The following IQGAP1 variants were observed in gnomAD, a reference collection of about 807,000 sequenced individuals.
IQGAP1 encodes IQ motif containing GTPase activating protein 1, also known as ras GTPase-activating-like protein IQGAP1.
IQGAP1 carries 66 observed loss-of-function variants against 215.6 expected under a neutral mutation model. That is an observed-to-expected ratio of 0.31 (90% confidence interval 0.25 to 0.38). The LOEUF is 0.38. IQGAP1 is among the 10% of genes least tolerant of loss of function. IQGAP1 has a pLI of 1.00. For missense variants in IQGAP1, 1,712 were observed against 1,997.1 expected, an observed-to-expected ratio of 0.86 and a Z score of 2.72; for synonymous variants, 772 against 728.7, an observed-to-expected ratio of 1.06 and a Z score of -0.96.
intron 18 of IQGAP1, among the ~76,000 whole-genome samples, chr15:90,471,501 T>A (rs1202875951): frequency 7.2e-6 from 1 of 138,558 alleles, no homozygotes; most frequent in Non-Finnish European, 1.5e-5. Flanking sequence ...CCTCATGAAG[T>A]CTTTTTTTTT....
At chr15:90,484,495 G>A (rs773405795) in intron 30 of IQGAP1, 143 bp downstream of exon 30, 19 of 632,732 alleles carry the variant, frequency 3.0e-5, no homozygotes, top group Non-Finnish European at 4.5e-5. Flanking sequence ...TTTTTTGCTT[G>A]TTATTCTTTT....
At chr15:90,400,224 G>GT (rs1964786378) in intron 2 of IQGAP1, among the ~76,000 whole-genome samples, 2 of 152,150 alleles carry the variant, frequency 1.3e-5, no homozygotes, top group Admixed American at 1.3e-4. Flanking sequence ...TTAGATCTGT[G>GT]TAGTCTATTT....
At chr15:90,406,869 C>T (rs894074622) in intron 2 of IQGAP1, among the ~76,000 whole-genome samples, 7 of 152,098 alleles carry the variant, frequency 4.6e-5, no homozygotes, top group Admixed American at 1.3e-4. Flanking sequence ...GTGGGAATAA[C>T]GTTGGTGGGA....
At position 90,439,417 on chromosome 15, in the gene IQGAP1, T is replaced by G. The variant is rs140915609; in HGVS notation, c.535+18T>G. ...CTTCACAGGTAAGGAGTTAGATACT[T>G]GGCAGGAAATGCTTGAATTATGTGG... On this transcript the variant is annotated intron_variant, in intron 6 of 37. Coordinates refer to ENST00000268182, the MANE Select transcript of IQGAP1 (RefSeq NM_003870.4). 1 of 1,593,986 alleles carries G rather than the reference T, an allele frequency of 6.3e-7. No homozygotes were observed. The highest frequency in any genetic ancestry group is 2.2e-5 in the East Asian group (1 of 44,608).
intron 3 of IQGAP1, among the ~76,000 whole-genome samples, chr15:90,427,459 G>A (rs1029618125): frequency 3.3e-5 from 5 of 152,142 alleles, no homozygotes; most frequent in African/African-American, 4.8e-5. Flanking sequence ...GGAATGTTGG[G>A]CCAGGCCCAG....
intron 2 of IQGAP1, among the ~76,000 whole-genome samples, chr15:90,401,445 CA>C (rs1477149401): frequency 6.6e-6 from 1 of 151,976 alleles, no homozygotes. Context: ...AATAATCCCC[CA>C]AAACAAAAAA....
chr15:90,414,685 C>T lies in IQGAP1; in HGVS notation c.156-11425C>T, dbSNP rs1418186749. Among the ~76,000 whole-genome samples the T allele has an allele frequency of 2.0e-5, 3 of 152,136 alleles. No individual in the cohort carries two copies. The East Asian group carries it at 5.8e-4, about 29-fold the overall frequency. ...CTGAGGCACAGTGCTTCAGCTTTTA[C>T]ATTTTTCTCCACAGCCTCTTTCTCT... On this transcript the variant is annotated intron_variant, in intron 2 of 37. Coordinates refer to ENST00000268182, the MANE Select transcript of IQGAP1 (RefSeq NM_003870.4).
chr15:90,495,449 T>G (rs1287355977), intron 36 of IQGAP1, among the ~76,000 whole-genome samples: 1 of 152,138 alleles, frequency 6.6e-6, no homozygotes, highest in Non-Finnish European at 1.5e-5. Context: ...TATGTATTCG[T>G]TATTAAACTT....
chr15:90,396,243 GA>G (rs1427019414), intron 2 of IQGAP1, among the ~76,000 whole-genome samples: 1 of 152,202 alleles, frequency 6.6e-6, no homozygotes, highest in Admixed American at 6.5e-5. Context: ...AGTGATTTCA[GA>G]ATTCCATGAA....
Position 90,476,723 on chromosome 15 carries a change from A to G in IQGAP1, c.2845A>G (p.Met949Val). 1 of 1,605,654 alleles carries G rather than the reference A, an allele frequency of 6.2e-7. No homozygotes were observed. Among genetic ancestry groups the G allele is most frequent in the Non-Finnish European group, 8.5e-7 (1 of 1,177,870 alleles). Residue 949 changes from methionine to valine, a missense_variant, in exon 24 of 38, where the codon ATG becomes GTG. Around this residue, in one of 2 missense-constraint regions of IQGAP1, gnomAD observed 691 missense variants for 923.0 expected, o/e 0.75. Coordinates refer to ENST00000268182, the MANE Select transcript of IQGAP1 (RefSeq NM_003870.4). Reference sequence around the variant, plus strand: ...AAATAAGGAACAGTTGTCTGATATGATGATGATAAATAAACAGAAGGGAGG... The same window carrying G: ...AAATAAGGAACAGTTGTCTGATATGGTGATGATAAATAAACAGAAGGGAGG... Reference protein sequence around the residue: ...KKNKEQLSDMMMINKQKGGLK... With the variant: ...KKNKEQLSDMVMINKQKGGLK...
intron 10 of IQGAP1, 35 bp downstream of exon 10, chr15:90,448,771 G>A: frequency 6.9e-7 from 1 of 1,444,954 alleles, no homozygotes; most frequent in Non-Finnish European, 9.2e-7. Context: ...GCAAGAGTTT[G>A]TATATATCCA....
intron 14 of IQGAP1, among the ~76,000 whole-genome samples, chr15:90,455,113 A>G (rs781256923): frequency 8.5e-5 from 13 of 152,170 alleles, no homozygotes; most frequent in African/African-American, 2.4e-4. Context: ...AGAGTCCCCA[A>G]TATGAAGCTT....
chr15:90,496,056 C>T (rs1277068919), intron 36 of IQGAP1, among the ~76,000 whole-genome samples: 6 of 151,386 alleles, frequency 4.0e-5, no homozygotes, highest in Non-Finnish European at 5.9e-5. Flanking sequence ...ACTAAATAGC[C>T]AACTAAATCT....
intron 15 of IQGAP1, among the ~76,000 whole-genome samples, chr15:90,463,911 T>C (rs1362028905): frequency 6.6e-6 from 1 of 152,186 alleles, no homozygotes; most frequent in Non-Finnish European, 1.5e-5. Context: ...TGCTTCACTA[T>C]ATGGAGTGAA....
chr15:90,475,297 C>CT (rs1368065468), intron 23 of IQGAP1, among the ~76,000 whole-genome samples: 1 of 152,064 alleles, frequency 6.6e-6, no homozygotes, highest in African/African-American at 2.4e-5. Context: ...CGACACCCGG[C>CT]TTTTTTGCAT....
chr15:90,480,745 T>C (rs190687621), intron 26 of IQGAP1, among the ~76,000 whole-genome samples: 3 of 152,318 alleles, frequency 2.0e-5, no homozygotes, highest in Admixed American at 1.3e-4. Flanking sequence ...CTCAGCTCAC[T>C]GCAACCTCTG....
rs749762659 is a variant in IQGAP1, at chr15:90,452,943, G to A, written c.1326+5G>A. 6.2e-7 allele frequency: 1 copy of A among 1,613,644 alleles called. No homozygotes were observed. Among genetic ancestry groups the A allele is most frequent in the Non-Finnish European group, 8.5e-7 (1 of 1,179,940 alleles). On this transcript the variant is annotated splice_donor_5th_base_variant and intron_variant, in intron 12 of 37. Coordinates refer to ENST00000268182, the MANE Select transcript of IQGAP1 (RefSeq NM_003870.4). ...CTGCAGCGACAAAGTCCTGAAGTGAGTTCACTAAACCTGTCCTGTTTGTGA... is the reference window on the plus strand; with the variant it reads ...CTGCAGCGACAAAGTCCTGAAGTGAATTCACTAAACCTGTCCTGTTTGTGA...
At chr15:90,411,200 T>G (rs899543955) in intron 2 of IQGAP1, among the ~76,000 whole-genome samples, 3 of 152,178 alleles carry the variant, frequency 2.0e-5, no homozygotes, top group Non-Finnish European at 4.4e-5. Context: ...TCATGTATCT[T>G]TATTATAACT....
intron 26 of IQGAP1, among the ~76,000 whole-genome samples, chr15:90,479,578 A>T: frequency 3.5e-5 from 2 of 57,256 alleles, no homozygotes; most frequent in East Asian, 7.2e-4. Flanking sequence ...TCCCTACTTA[A>T]AAAAAAAAAA....
Sources: allele counts gnomAD v4.1 joint callset (sites outside exome capture counted in the v4.1 genomes callset), GRCh38; gene constraint gnomAD v4.1.1; regional missense constraint gnomAD v4.1.1; transcripts MANE v1.5; gene names NCBI Gene and HGNC (gene_info 2026-07-23, HGNC 2026-07-21).